The following KCNB2 variants were observed in gnomAD, a reference collection of about 807,000 sequenced individuals.
KCNB2 encodes potassium voltage-gated channel subfamily B member 2, also known as delayed rectifier potassium channel protein.
Under a neutral mutation model 61.5 loss-of-function variants are expected in KCNB2, and 15 were observed. The ratio of observed to expected loss-of-function variants is 0.24; its 90% CI spans 0.16 to 0.38. KCNB2 has a LOEUF of 0.38. KCNB2 is among the 10% of genes least tolerant of loss of function. The pLI is 1.00. For synonymous variants in KCNB2, 457 were observed against 446.0 expected (o/e 1.02, Z -0.31); for missense variants, 828 against 1,125.2 (o/e 0.74, Z 3.78).
At chr8:72,817,491 G>A (rs944736860) in intron 2 of KCNB2, among the ~76,000 whole-genome samples, 3 of 152,052 alleles carry the variant, frequency 2.0e-5, no homozygotes, top group East Asian at 1.9e-4. Context: ...ATATTATCTC[G>A]GATTTTGGTG....
intron 2 of KCNB2, among the ~76,000 whole-genome samples, chr8:72,671,094 G>A (rs544807906): frequency 2.0e-5 from 3 of 152,234 alleles, no homozygotes; most frequent in African/African-American, 7.2e-5. Flanking sequence ...TTTGACAGAT[G>A]TTTTATGCAT....
chr8:72,732,603 T>C (rs1807766109), intron 2 of KCNB2, among the ~76,000 whole-genome samples: 1 of 152,228 alleles, frequency 6.6e-6, no homozygotes, highest in Non-Finnish European at 1.5e-5. Context: ...TAGAAGCACC[T>C]AGCCAGCCCA....
intron 2 of KCNB2, among the ~76,000 whole-genome samples, chr8:72,821,158 C>A (rs747053902): frequency 1.3e-5 from 2 of 152,156 alleles, no homozygotes; most frequent in Admixed American, 6.5e-5. Flanking sequence ...TGTCCCACTG[C>A]GACTTTCTTT....
intron 2 of KCNB2, among the ~76,000 whole-genome samples, chr8:72,724,656 C>T (rs1340917543): frequency 6.6e-6 from 1 of 152,116 alleles, no homozygotes; most frequent in Non-Finnish European, 1.5e-5. Flanking sequence ...GTCTCGAATA[C>T]TGCATCAACA....
intron 2 of KCNB2, among the ~76,000 whole-genome samples, chr8:72,584,891 C>T (rs1358882275): frequency 6.6e-6 from 1 of 152,160 alleles, no homozygotes; most frequent in Non-Finnish European, 1.5e-5. Context: ...TCCTTTCTCT[C>T]TCCCCATCTC....
intron 2 of KCNB2, among the ~76,000 whole-genome samples, chr8:72,864,689 G>A (rs547765760): frequency 1.3e-5 from 2 of 152,178 alleles, no homozygotes; most frequent in Non-Finnish European, 1.5e-5. Flanking sequence ...GCAGAAAGAC[G>A]AAGGTGACTG....
Position 72,840,943 on chromosome 8 carries a change from A to G in KCNB2, c.580-94992A>G, listed in dbSNP as rs1250526736. Among the ~76,000 whole-genome samples the G allele has an allele frequency of 3.9e-5, 6 of 152,234 alleles. No homozygotes were observed. In the South Asian group the frequency reaches 8.3e-4, roughly 21 times the overall value. The stretch of plus-strand genomic sequence containing the variant: ...TTTGTCAATTTTGGCTTGTGTTGCC[A>G]TTGCTTTTGGTGTGTTAGTCATGAA... On this transcript the variant is annotated intron_variant, in intron 2 of 2. Coordinates refer to ENST00000523207, the MANE Select transcript of KCNB2 (RefSeq NM_004770.3).
chr8:72,908,243 T>G (rs1388557773), intron 2 of KCNB2, among the ~76,000 whole-genome samples: 1 of 152,214 alleles, frequency 6.6e-6, no homozygotes, highest in African/African-American at 2.4e-5. Flanking sequence ...TCCTTCATCT[T>G]AAGCATCAGT....
intron 1 of KCNB2, among the ~76,000 whole-genome samples, chr8:72,541,115 A>G (rs1806182220): frequency 6.6e-6 from 1 of 151,836 alleles, no homozygotes; most frequent in Non-Finnish European, 1.5e-5. Flanking sequence ...AGACACATCC[A>G]TGAAGAGGAT....
At chr8:72,913,533 T>G (rs886558517) in intron 2 of KCNB2, among the ~76,000 whole-genome samples, 1 of 152,254 alleles carries the variant, frequency 6.6e-6, no homozygotes, top group Admixed American at 6.5e-5. Context: ...AATACCAGGC[T>G]AGGTGCAAGG....
chr8:72,784,267 C>T (rs2128998170), intron 2 of KCNB2, among the ~76,000 whole-genome samples: 1 of 152,228 alleles, frequency 6.6e-6, no homozygotes, highest in Middle Eastern at 3.4e-3. Context: ...CACCCACAAC[C>T]CCCTACTCAA....
intron 2 of KCNB2, among the ~76,000 whole-genome samples, chr8:72,930,124 T>C (rs1806747277): frequency 1.3e-5 from 2 of 152,066 alleles, no homozygotes; most frequent in African/African-American, 4.8e-5. Context: ...ACAAAGGACA[T>C]GAACTCATCA....
In KCNB2 at chr8:72,767,658, G is replaced by A. The variant is rs151234344; in HGVS notation, c.580-168277G>A. ...TGGGCATTTGGATTGTTTCCACATT[G>A]AGGCTATTATGAATAACACTGCTAT... On this transcript the variant is annotated intron_variant, in intron 2 of 2. Coordinates refer to ENST00000523207, the MANE Select transcript of KCNB2 (RefSeq NM_004770.3). Among the ~76,000 whole-genome samples, 324 of 152,242 alleles carry A rather than the reference G, an allele frequency of 2.1e-3. 4 individuals carry two copies. The highest frequency in any genetic ancestry group is 0.01 in the Middle Eastern group (3 of 294).
intron 2 of KCNB2, among the ~76,000 whole-genome samples, chr8:72,657,197 A>T (rs1238136578): frequency 6.6e-6 from 1 of 152,170 alleles, no homozygotes; most frequent in Non-Finnish European, 1.5e-5. Flanking sequence ...AATCTGTAGG[A>T]ATAGTGGTCA....
chr8:72,744,013 G>T (rs1808014097), intron 2 of KCNB2, among the ~76,000 whole-genome samples: 1 of 151,840 alleles, frequency 6.6e-6, no homozygotes, highest in African/African-American at 2.4e-5. Context: ...TTTTTATTGG[G>T]CGGGGGGCTT....
chr8:72,842,824 CT>C (rs1407389444), intron 2 of KCNB2, among the ~76,000 whole-genome samples: 1 of 152,138 alleles, frequency 6.6e-6, no homozygotes, highest in Non-Finnish European at 1.5e-5. Context: ...ATTCTTCTCT[CT>C]TTTCTTCTTT....
intron 2 of KCNB2, among the ~76,000 whole-genome samples, chr8:72,681,286 T>G (rs1435729957): frequency 6.6e-6 from 1 of 152,116 alleles, no homozygotes; most frequent in Non-Finnish European, 1.5e-5. Context: ...AGTAGGAATA[T>G]AAAAGGCAAC....
At chr8:72,745,100 G>C (rs891371801) in intron 2 of KCNB2, among the ~76,000 whole-genome samples, 12 of 152,268 alleles carry the variant, frequency 7.9e-5, no homozygotes, top group African/African-American at 2.9e-4. Context: ...TGCATGTTGG[G>C]ATCCCTCCAC....
intron 2 of KCNB2, among the ~76,000 whole-genome samples, chr8:72,586,277 A>C (rs888964137): frequency 1.3e-5 from 2 of 152,228 alleles, no homozygotes; most frequent in African/African-American, 4.8e-5. Context: ...AGGAATGAAA[A>C]GATTCCATTT....
Sources: gnomAD v4.1 joint callset for allele counts (sites outside exome capture counted in the v4.1 genomes callset) on GRCh38, gnomAD v4.1.1 for gene constraint, MANE v1.5 for transcripts, NCBI Gene and HGNC (gene_info 2026-07-23, HGNC 2026-07-21) for gene names.